ARMC2: variants seen among roughly 807,000 people sequenced by gnomAD.
ARMC2 encodes armadillo repeat containing 2, also known as armadillo repeat-containing protein 2.
Under a neutral mutation model 90.3 loss-of-function variants are expected in ARMC2, and 67 were observed. That is an observed-to-expected ratio of 0.74 (90% CI 0.61 to 0.91). ARMC2 has a LOEUF of 0.91. Ranked by LOEUF, ARMC2 falls within the 40% of genes least tolerant of loss-of-function variation. ARMC2 has a pLI of 0.00. For missense variants in ARMC2, 920 were observed against 1,030.9 expected (o/e 0.89, Z 1.47); for synonymous variants, 393 against 393.0 (o/e 1.00, Z 0.00).
At chr6:108,874,067 T>G (rs538630321) in intron 4 of ARMC2, among the ~76,000 whole-genome samples, 78 of 152,326 alleles carry the variant, frequency 5.1e-4, no homozygotes, top group African/African-American at 1.8e-3. Flanking sequence ...CTTTTGAAGT[T>G]TACCCACGAT....
chr6:108,953,636 A>T (rs1041901108), intron 13 of ARMC2, among the ~76,000 whole-genome samples: 4 of 152,376 alleles, frequency 2.6e-5, no homozygotes, highest in Middle Eastern at 3.4e-3. Flanking sequence ...ATTACATTGC[A>T]ATTTTTTAAA....
chr6:109,011,108 T>C, the ARMC2 span, among the ~76,000 whole-genome samples: 2 of 152,212 alleles, frequency 1.3e-5, no homozygotes, highest in African/African-American at 2.4e-5. Flanking sequence ...ATCTTAGTTA[T>C]GACATTTGTA....
chr6:108,998,495 A>G, the ARMC2 span: 2 of 1,612,784 alleles, frequency 1.2e-6, no homozygotes, highest in East Asian at 4.5e-5. Flanking sequence ...TGACAATCTC[A>G]TGACAAATAA....
intron 13 of ARMC2, among the ~76,000 whole-genome samples, chr6:108,953,825 T>G (rs560712671): frequency 4.5e-4 from 69 of 152,340 alleles, no homozygotes; most frequent in Middle Eastern, 3.4e-3. Context: ...TCTCCAGTCA[T>G]TCAAGTCCTG....
At chr6:109,011,892 G>C in the ARMC2 span, among the ~76,000 whole-genome samples, 71 of 152,212 alleles carry the variant, frequency 4.7e-4, no homozygotes, top group Non-Finnish European at 8.8e-4. Context: ...GCCTCCCAAA[G>C]TGCTGGGATT....
the ARMC2 span, among the ~76,000 whole-genome samples, chr6:109,046,319 G>A: frequency 2.2e-4 from 34 of 151,812 alleles, no homozygotes; most frequent in African/African-American, 4.1e-4. Context: ...CCCTAACCGC[G>A]AGTGATCCGC....
In ARMC2 at chr6:108,868,816, C is replaced by T. The variant is rs1215388489; in HGVS notation, c.292-8C>T. On this transcript the variant is annotated splice_polypyrimidine_tract_variant and splice_region_variant and intron_variant, in intron 3 of 17. Transcript: ENST00000392644. ...TCATTCCAGTTATTTAAAAAAATCT[C>T]TTTCCAGAAACCGAAAGTTCCAGCA... 8 of 1,610,866 alleles carry T rather than the reference C, an allele frequency of 5.0e-6. No homozygotes were observed. The highest frequency in any genetic ancestry group is 6.8e-6 in the Non-Finnish European group (8 of 1,178,928).
chr6:109,015,797 C>T, the ARMC2 span, among the ~76,000 whole-genome samples: 1 of 152,068 alleles, frequency 6.6e-6, no homozygotes, highest in Admixed American at 6.6e-5. Context: ...TAAATATATG[C>T]AAGTAGAAAA....
At chr6:108,899,559 T>C in intron 6 of ARMC2, 135 bp from the exon 7 acceptor site, 1 of 691,966 alleles carries the variant, frequency 1.4e-6, no homozygotes. Context: ...TGAGAAATAG[T>C]CAGGCTTGGA....
chr6:108,872,493 G>A (rs1159947476), intron 4 of ARMC2, among the ~76,000 whole-genome samples: 1 of 152,068 alleles, frequency 6.6e-6, no homozygotes, highest in Admixed American at 6.5e-5. Flanking sequence ...GCCTCATCCT[G>A]TTTTGCTGCT....
intron 11 of ARMC2, among the ~76,000 whole-genome samples, chr6:108,936,172 C>T (rs1030646235): frequency 8.5e-5 from 13 of 152,162 alleles, no homozygotes; most frequent in Admixed American, 8.5e-4. Context: ...TTTATTTTGC[C>T]TAATATTAGT....
chr6:109,007,478 T>TTG, the ARMC2 span, among the ~76,000 whole-genome samples: 39 of 152,224 alleles, frequency 2.6e-4, no homozygotes, highest in Non-Finnish European at 5.3e-4. Context: ...ACTATTACTG[T>TTG]TGTGATTATC....
At chr6:108,880,379 A>T (rs1457952033) in intron 5 of ARMC2, 1 of 168,974 alleles carries the variant, frequency 5.9e-6, no homozygotes, top group African/African-American at 2.4e-5. Flanking sequence ...TGGGCACATG[A>T]TCCAAGCCAG....
the ARMC2 span, among the ~76,000 whole-genome samples, chr6:109,012,634 A>G: frequency 6.6e-6 from 1 of 152,172 alleles, no homozygotes; most frequent in Non-Finnish European, 1.5e-5. Flanking sequence ...GAGTATTAGT[A>G]GAGAGGCCTT....
chr6:108,886,577 A>G (rs1036482222), intron 5 of ARMC2, among the ~76,000 whole-genome samples: 4 of 152,218 alleles, frequency 2.6e-5, no homozygotes, highest in Admixed American at 1.3e-4. Context: ...CTCACAAACA[A>G]ACAAACAAAC....
intron 4 of ARMC2, among the ~76,000 whole-genome samples, chr6:108,874,126 C>A (rs1482043311): frequency 6.6e-6 from 1 of 152,184 alleles, no homozygotes; most frequent in African/African-American, 2.4e-5. Context: ...CGAGAAGATA[C>A]AGACCATAGT....
At chr6:108,944,594 A>G (rs1169397310) in intron 12 of ARMC2, among the ~76,000 whole-genome samples, 1 of 152,202 alleles carries the variant, frequency 6.6e-6, no homozygotes, top group Non-Finnish European at 1.5e-5. Context: ...TAGTGAAACA[A>G]GCACCAAATT....
chr6:108,928,004 T>C, intron 10 of ARMC2, 84 bp from the exon 11 acceptor site: 1 of 1,297,658 alleles, frequency 7.7e-7, no homozygotes, highest in South Asian at 2.3e-5. Context: ...TAAGGAAATT[T>C]ATGAAATGAA....
At chr6:108,879,129 C>G (rs989041251) in intron 5 of ARMC2, among the ~76,000 whole-genome samples, 1 of 151,590 alleles carries the variant, frequency 6.6e-6, no homozygotes, top group African/African-American at 2.4e-5. Flanking sequence ...TCCATCCATC[C>G]ATCCGCTCAT....
Sources: allele counts gnomAD v4.1 joint callset (sites outside exome capture counted in the v4.1 genomes callset), GRCh38; gene constraint gnomAD v4.1.1; transcripts MANE v1.5; gene names NCBI Gene and HGNC (gene_info 2026-07-23, HGNC 2026-07-21).